Variants in VPS13A observed in about 807,000 individuals in gnomAD.
VPS13A encodes the protein intermembrane lipid transfer protein VPS13A.
In VPS13A, 264 loss-of-function variants were observed where a neutral mutation model predicts 390.9. The observed-to-expected ratio is 0.68, with a 90% CI of 0.61 to 0.75. VPS13A has a LOEUF of 0.75. Ranked by LOEUF, VPS13A falls within the 30% of genes least tolerant of loss-of-function variation. The probability of loss-of-function intolerance (pLI) is 0.00; values close to 1 mark genes in which losing one functional copy is unlikely to be tolerated. For synonymous variants in VPS13A, 1,231 were observed against 1,227.1 expected (o/e 1.00, Z -0.07); for missense variants, 3,409 against 3,733.9 (o/e 0.91, Z 2.27).
At chr9:77,343,355 T>C (rs1466603422) in intron 50 of VPS13A, among the ~76,000 whole-genome samples, 1 of 152,230 alleles carries the variant, frequency 6.6e-6, no homozygotes, top group Non-Finnish European at 1.5e-5. Context: ...GCTAAGACAC[T>C]TAGCTCTAAC....
At position 77,201,350 on chromosome 9, in the gene VPS13A, A is replaced by G; in HGVS notation, c.145-15A>G. On this transcript the variant is annotated splice_polypyrimidine_tract_variant and intron_variant, in intron 2 of 71. Transcript: ENST00000360280. Reference sequence around the variant, plus strand: ...ATCTACTAATGTTTTGTGTATATATAAATTTTTTCTGTAGAGTCAACTGGA... The same window carrying G: ...ATCTACTAATGTTTTGTGTATATATGAATTTTTTCTGTAGAGTCAACTGGA... 1 of 1,581,924 alleles carries G rather than the reference A, an allele frequency of 6.3e-7. No homozygotes were observed. Among genetic ancestry groups the G allele is most frequent in the Non-Finnish European group, 8.7e-7 (1 of 1,151,282 alleles).
At chr9:77,385,320 C>A in intron 68 of VPS13A, 1 of 367,526 alleles carries the variant, frequency 2.7e-6, no homozygotes, top group Non-Finnish European at 3.8e-6. Flanking sequence ...AAAGACCGTT[C>A]TTTTATGTCT....
intron 33 of VPS13A, among the ~76,000 whole-genome samples, chr9:77,301,325 T>G (rs890099875): frequency 1.1e-4 from 16 of 152,218 alleles, no homozygotes; most frequent in African/African-American, 3.9e-4. Context: ...AAATTATATA[T>G]GCATCCTAGC....
intron 59 of VPS13A, among the ~76,000 whole-genome samples, chr9:77,361,127 G>A (rs1343898004): frequency 6.6e-6 from 1 of 151,978 alleles, no homozygotes; most frequent in African/African-American, 2.4e-5. Context: ...AGTCTATTGA[G>A]GTATAGATCA....
chr9:77,189,186 G>A (rs116269352), intron 1 of VPS13A, among the ~76,000 whole-genome samples: 2,372 of 144,982 alleles, frequency 0.016, 62 homozygotes, highest in African/African-American at 0.059. Context: ...ATCTTTGTCA[G>A]GGCTTATGTC....
chr9:77,191,110 C>G (rs1392615569), intron 1 of VPS13A, among the ~76,000 whole-genome samples: 1 of 151,678 alleles, frequency 6.6e-6, no homozygotes, highest in Non-Finnish European at 1.5e-5. Flanking sequence ...GCTCATTTTT[C>G]TAGTTCCTCT....
chr9:77,412,165 A>G (rs1195695236), intron 71 of VPS13A, among the ~76,000 whole-genome samples: 1 of 152,236 alleles, frequency 6.6e-6, no homozygotes, highest in Non-Finnish European at 1.5e-5. Flanking sequence ...TACCAGAGGT[A>G]TAAGGAGGAG....
rs189107486 is a variant in VPS13A at position 77,312,160 on chromosome 9, G to A, written c.4115-1832G>A. Among the ~76,000 whole-genome samples the A allele has an allele frequency of 4.5e-3, 679 of 151,998 alleles. 4 individuals carry two copies. Among genetic ancestry groups the A allele is most frequent in the Non-Finnish European group, 4.8e-3 (325 of 67,954 alleles). ...AAAGAAGACAGTAATAAAAATAATA[G>A]AATCCAACAAAAGAAAAACAGAGAA... On this transcript the variant is annotated intron_variant, in intron 35 of 71. Coordinates refer to ENST00000360280, the MANE Select transcript of VPS13A (RefSeq NM_033305.3).
In VPS13A at chr9:77,283,594, G is replaced by T. The variant is rs375003313; in HGVS notation, c.3283G>T (p.Ala1095Ser). The change falls in exon 31 of 72, where the codon GCA becomes TCA. Residue 1095 changes from alanine to serine, a missense_variant. Around this residue, in one of 5 missense-constraint regions of VPS13A, gnomAD observed 2,717 missense variants for 2,917.4 expected, o/e 0.93. Transcript: ENST00000360280. ...IMRPSETEIN[A>S]KLRNIIVLDS... ...GAGGCCTTCAGAAACTGAAATAAAC[G>T]CAAAGCTAAGGAATATAATTGTTTT... The T allele has an allele frequency of 1.9e-6, 3 of 1,613,196 alleles. No homozygotes were observed. The African/African-American group carries it at 4.0e-5, about 22-fold the overall frequency.
At chr9:77,259,140 A>C (rs12343963) in intron 22 of VPS13A, among the ~76,000 whole-genome samples, 15,554 of 152,144 alleles carry the variant, frequency 0.1, 821 homozygotes, top group Middle Eastern at 0.13. Flanking sequence ...TGGATATGAT[A>C]TGTCAAATCC....
At chr9:77,181,529 A>G (rs1400039002) in intron 1 of VPS13A, among the ~76,000 whole-genome samples, 1 of 151,654 alleles carries the variant, frequency 6.6e-6, no homozygotes, top group East Asian at 1.9e-4. Context: ...AAAAAAAAAA[A>G]AAAAAAAGAA....
At chr9:77,213,161 T>G (rs1381535101) in intron 8 of VPS13A, 73 bp from the exon 9 acceptor site, 29 of 1,546,954 alleles carry the variant, frequency 1.9e-5, no homozygotes, top group Admixed American at 3.4e-5. Context: ...CTTAATTATT[T>G]GAGACTTCTG....
At chr9:77,371,277 T>C in intron 67 of VPS13A, 128 bp downstream of exon 67, 1 of 1,296,368 alleles carries the variant, frequency 7.7e-7, no homozygotes, top group Non-Finnish European at 1.1e-6. Context: ...TACCACATAA[T>C]ACCACAGACT....
chr9:77,323,482 A>G (rs1160042238), intron 45 of VPS13A, among the ~76,000 whole-genome samples: 2 of 152,120 alleles, frequency 1.3e-5, no homozygotes, highest in South Asian at 4.1e-4. Flanking sequence ...TTTTATAAAT[A>G]GTCATCAGTG....
At chr9:77,388,028 G>T (rs1002408287) in intron 68 of VPS13A, among the ~76,000 whole-genome samples, 1 of 152,120 alleles carries the variant, frequency 6.6e-6, no homozygotes. Flanking sequence ...CTGTTACTGC[G>T]TATTTTCTAC....
At chr9:77,371,214 G>A (rs1832730564) in intron 67 of VPS13A, 65 bp downstream of exon 67, 5 of 1,605,064 alleles carry the variant, frequency 3.1e-6, no homozygotes, top group Non-Finnish European at 2.6e-6. Flanking sequence ...GAATTTATCT[G>A]CTCTTTGGCT....
In VPS13A at chr9:77,364,008, C is replaced by G. The variant is rs11145403; in HGVS notation, c.8212-1452C>G. On this transcript the variant is annotated intron_variant, in intron 59 of 71. Transcript: ENST00000360280. ...GGGCAGTGGCCTGAGATGATCTCAG[C>G]TTGCCTTTGCTGGCATGGAACCACC... Among the ~76,000 whole-genome samples the G allele has an allele frequency of 8.6e-3, 1,310 of 152,140 alleles. 16 individuals are homozygous for G. The highest frequency in any genetic ancestry group is 0.013 in the Non-Finnish European group (888 of 67,994).
intron 1 of VPS13A, among the ~76,000 whole-genome samples, chr9:77,182,512 TA>T (rs781497291): frequency 3.3e-5 from 5 of 152,154 alleles, no homozygotes; most frequent in Non-Finnish European, 7.3e-5. Flanking sequence ...GACATGAAAA[TA>T]TTTTTTTAAA....
chr9:77,341,691 C>CTTTTTTTTTTTTTTTTTTTTT lies in VPS13A; in HGVS notation c.7026+1150_7026+1170dup, dbSNP rs57841628. 1.2e-3 allele frequency among the ~76,000 whole-genome samples: 44 copies of CTTTTTTTTTTTTTTTTTTTTT among 37,838 alleles called. 8 individuals are homozygous for CTTTTTTTTTTTTTTTTTTTTT. The highest frequency in any genetic ancestry group is 1.4e-3 in the Non-Finnish European group (31 of 21,608). 24.8% of individuals were successfully genotyped at this position (37,838 alleles called of 152,430 possible). A position where few individuals can be genotyped will look rare whatever the true frequency, so the allele number is the denominator to read the frequency against. On this transcript the variant is annotated intron_variant, in intron 50 of 71. Transcript: ENST00000360280. ...AGTAAGTTCTACATGGACATCTTTC[C>CTTTTTTTTTTTTTTTTTTTTT]TTTTTTTTTTTTTTTTTTTTTTTTT...
Sources: allele counts gnomAD v4.1 joint callset (sites outside exome capture counted in the v4.1 genomes callset), GRCh38; gene constraint gnomAD v4.1.1; regional missense constraint gnomAD v4.1.1; transcripts MANE v1.5; gene names NCBI Gene and HGNC (gene_info 2026-07-23, HGNC 2026-07-21).